Variants in TRPC4 observed in about 807,000 individuals in gnomAD.
The protein encoded by TRPC4 is short transient receptor potential channel 4.
A neutral mutation model predicts 99.4 loss-of-function variants in TRPC4; 49 were observed. That is an observed-to-expected ratio of 0.49 (90% CI 0.39 to 0.63). TRPC4 has a LOEUF of 0.63. TRPC4 is among the 20% of genes least tolerant of loss of function. The pLI is 0.00. For synonymous variants in TRPC4, 454 were observed against 425.9 expected (o/e 1.07, Z -0.81); for missense variants, 898 against 1,152.9 (o/e 0.78, Z 3.20).
At chr13:37,832,226 C>A (rs1403126236) in intron 1 of TRPC4, among the ~76,000 whole-genome samples, 1 of 152,026 alleles carries the variant, frequency 6.6e-6, no homozygotes, top group Non-Finnish European at 1.5e-5. Flanking sequence ...TTTAAGCCAA[C>A]AAATGAGAGA....
At chr13:37,869,194 C>T (rs1226889828) in intron 1 of TRPC4, among the ~76,000 whole-genome samples, 1 of 152,088 alleles carries the variant, frequency 6.6e-6, no homozygotes, top group African/African-American at 2.4e-5. Context: ...CAGATGCCCC[C>T]GAGATCTCCA....
chr13:37,795,464 G>A (rs1333857007), intron 1 of TRPC4, among the ~76,000 whole-genome samples: 2 of 152,154 alleles, frequency 1.3e-5, no homozygotes, highest in Non-Finnish European at 2.9e-5. Context: ...CATGAGCAAT[G>A]TTTTTGGAGG....
chr13:37,831,804 G>T (rs1958428039), intron 1 of TRPC4, among the ~76,000 whole-genome samples: 1 of 152,172 alleles, frequency 6.6e-6, no homozygotes, highest in Admixed American at 6.5e-5. Context: ...ATACTTGCAT[G>T]ATCTGACTTA....
chr13:37,757,485 T>A (rs544621810), intron 2 of TRPC4, among the ~76,000 whole-genome samples: 1 of 152,080 alleles, frequency 6.6e-6, no homozygotes, highest in East Asian at 1.9e-4. Flanking sequence ...CAGATAGTTG[T>A]TTTTTAGGAG....
chr13:37,638,982 C>T, intron 10 of TRPC4, 58 bp downstream of exon 10: 3 of 1,550,664 alleles, frequency 1.9e-6, no homozygotes, highest in Non-Finnish European at 2.7e-6. Context: ...TAAATGTGCT[C>T]TATCTGGATC....
chr13:37,644,401 T>C (rs1287020502), intron 8 of TRPC4, among the ~76,000 whole-genome samples: 1 of 152,182 alleles, frequency 6.6e-6, no homozygotes, highest in Non-Finnish European at 1.5e-5. Context: ...AATGGGTATT[T>C]AATTTTCTTT....
chr13:37,720,451 T>TTAG (rs1450161774), intron 3 of TRPC4, among the ~76,000 whole-genome samples: 1 of 152,098 alleles, frequency 6.6e-6, no homozygotes, highest in Non-Finnish European at 1.5e-5. Flanking sequence ...GAGGTTATTA[T>TTAG]TAGTAGTAGT....
At chr13:37,645,436 C>T (rs796500206) in intron 8 of TRPC4, among the ~76,000 whole-genome samples, 17 of 152,256 alleles carry the variant, frequency 1.1e-4, no homozygotes, top group South Asian at 2.1e-4. Context: ...TGGAATGTCA[C>T]GCTCATTTCA....
intron 3 of TRPC4, among the ~76,000 whole-genome samples, chr13:37,704,490 C>T (rs1954202609): frequency 6.6e-6 from 1 of 152,014 alleles, no homozygotes; most frequent in South Asian, 2.1e-4. Flanking sequence ...AGTTTGAGAC[C>T]AGCCTGGCCA....
chr13:37,776,460 G>A (rs1194258171), intron 2 of TRPC4, among the ~76,000 whole-genome samples: 1 of 150,890 alleles, frequency 6.6e-6, no homozygotes, highest in African/African-American at 2.4e-5. Context: ...GCTCTCTTTA[G>A]CTCTCTCTCT....
At chr13:37,708,703 T>C (rs1456008179) in intron 3 of TRPC4, among the ~76,000 whole-genome samples, 2 of 148,488 alleles carry the variant, frequency 1.3e-5, no homozygotes, top group Admixed American at 1.4e-4. Flanking sequence ...ATTATATATA[T>C]AGTTTATATA....
In TRPC4 at chr13:37,816,575, A is replaced by G. The variant is rs1273768742; in HGVS notation, c.-27-33215T>C. On this transcript the variant is annotated intron_variant, in intron 1 of 10. Coordinates refer to ENST00000379705, the MANE Select transcript of TRPC4 (RefSeq NM_016179.4). ...ACCAAAATCTGGCAGAAATACAGCA[A>G]CAACAATTTCAGGCCAATATCCTTG... Among the ~76,000 whole-genome samples, 4 of 152,184 alleles carry G rather than the reference A, an allele frequency of 2.6e-5. No individual in the cohort carries two copies. The East Asian group carries it at 7.7e-4, about 29-fold the overall frequency.
rs762198056 is a variant in TRPC4 at position 37,639,296 on chromosome 13, G to A, written c.2083C>T (p.Arg695Ter). The A allele has an allele frequency of 6.2e-7, 1 of 1,613,470 alleles. No individual in the cohort carries two copies. Among genetic ancestry groups the A allele is most frequent in the East Asian group, 2.2e-5 (1 of 44,854 alleles). ...TGTCTTCTCAAGTTATCAGCAGCTC[G>A]CCTCTGAAAAGGAAAAGGACATTCC... ...KPESFGTIGR[R>*]AADNLRRHHQ... is the part of the protein sequence containing the mutation. The change falls in exon 9 of 11, where the codon CGA (arginine) becomes TGA (stop). Residue 695 changes from arginine (R) to a stop codon, truncating the protein, a stop_gained. Coordinates refer to ENST00000379705, the MANE Select transcript of TRPC4 (RefSeq NM_016179.4). LOFTEE classifies it high-confidence loss of function.
chr13:37,779,367 A>G (rs1956781724), intron 2 of TRPC4, among the ~76,000 whole-genome samples: 1 of 151,908 alleles, frequency 6.6e-6, no homozygotes, highest in African/African-American at 2.4e-5. Flanking sequence ...GTAGAGAATC[A>G]GAGGCTCTCT....
intron 5 of TRPC4, among the ~76,000 whole-genome samples, chr13:37,665,964 T>A (rs1383806360): frequency 1.3e-5 from 2 of 150,258 alleles, no homozygotes; most frequent in Non-Finnish European, 1.5e-5. Context: ...CAGGAAAAAA[T>A]GCTGCATGAA....
chr13:37,801,464 A>G (rs1317929344), intron 1 of TRPC4, among the ~76,000 whole-genome samples: 2 of 152,150 alleles, frequency 1.3e-5, no homozygotes, highest in African/African-American at 4.8e-5. Flanking sequence ...TCGCTTGCAT[A>G]TATGAAATAA....
chr13:37,731,676 T>C (rs1001781372), intron 3 of TRPC4, among the ~76,000 whole-genome samples: 2 of 152,114 alleles, frequency 1.3e-5, no homozygotes, highest in African/African-American at 2.4e-5. Context: ...GTATAAGAGA[T>C]AAAAATGAAA....
chr13:37,848,473 T>TG (rs1958966676), intron 1 of TRPC4, among the ~76,000 whole-genome samples: 1 of 152,150 alleles, frequency 6.6e-6, no homozygotes, highest in African/African-American at 2.4e-5. Flanking sequence ...TTCCGATTCC[T>TG]GACTTATTTC....
chr13:37,780,453 T>C (rs1956809629), intron 2 of TRPC4, among the ~76,000 whole-genome samples: 1 of 152,098 alleles, frequency 6.6e-6, no homozygotes, highest in Non-Finnish European at 1.5e-5. Context: ...TCCCAGAATC[T>C]TTGGGCATAC....
Sources: gnomAD v4.1 joint callset for allele counts (sites outside exome capture counted in the v4.1 genomes callset) on GRCh38, gnomAD v4.1.1 for gene constraint, MANE v1.5 for transcripts, NCBI Gene and HGNC (gene_info 2026-07-23, HGNC 2026-07-21) for gene names.